The following SYT9 variants were observed in gnomAD, a reference collection of about 807,000 sequenced individuals.
SYT9 encodes synaptotagmin 9.
Under a neutral mutation model 48.4 loss-of-function variants are expected in SYT9, and 22 were observed. That is an observed-to-expected ratio of 0.45 (90% CI 0.32 to 0.65). The LOEUF is 0.65. Ranked by LOEUF, SYT9 falls within the 30% of genes least tolerant of loss-of-function variation. The probability of loss-of-function intolerance (pLI) is 0.03; values close to 1 mark genes in which losing one functional copy is unlikely to be tolerated. For missense variants in SYT9, 577 were observed against 622.0 expected (o/e 0.93, Z 0.77); for synonymous variants, 265 against 245.0 (o/e 1.08, Z -0.76).
intron 1 of SYT9, among the ~76,000 whole-genome samples, chr11:7,300,636 GAGA>G (rs764131340): frequency 5.9e-5 from 9 of 152,252 alleles, no homozygotes; most frequent in Non-Finnish European, 4.4e-5. Flanking sequence ...ACAGAATGTA[GAGA>G]AGAAGTTTTG....
intron 3 of SYT9, among the ~76,000 whole-genome samples, chr11:7,358,018 A>G (rs146943718): frequency 4.6e-5 from 7 of 152,276 alleles, no homozygotes; most frequent in African/African-American, 1.7e-4. Context: ...ATAAAAGCAG[A>G]AAAAACACTG....
intron 6 of SYT9, chr11:7,427,708 TGAA>T (rs985159396): frequency 6.6e-6 from 1 of 152,222 alleles, no homozygotes; most frequent in Non-Finnish European, 1.5e-5. Flanking sequence ...TTTGACAAAA[TGAA>T]GAAATTATTC....
chr11:7,412,853 G>T (rs1187226093), intron 3 of SYT9, among the ~76,000 whole-genome samples: 2 of 152,186 alleles, frequency 1.3e-5, no homozygotes, highest in Non-Finnish European at 2.9e-5. Context: ...AATTGTGGTG[G>T]TTATCAGGGG....
At chr11:7,362,949 C>CTTTTTTTTTT (rs35065184) in intron 3 of SYT9, among the ~76,000 whole-genome samples, 1 of 17,924 alleles carries the variant, frequency 5.6e-5, no homozygotes, top group Non-Finnish European at 1.1e-4. Flanking sequence ...ATTTATTGGC[C>CTTTTTTTTTT]TTTTTTTTTT....
chr11:7,279,129 A>T (rs2346808), intron 1 of SYT9, among the ~76,000 whole-genome samples: 12,332 of 152,204 alleles, frequency 0.081, 682 homozygotes, highest in East Asian at 0.23. Context: ...TCAACAGTGG[A>T]GGGTATGTGG....
intron 6 of SYT9, among the ~76,000 whole-genome samples, chr11:7,447,471 G>A (rs1489624468): frequency 1.3e-5 from 2 of 152,190 alleles, no homozygotes; most frequent in Non-Finnish European, 2.9e-5. Context: ...TGCTCATGCT[G>A]TTCTCTTTGT....
chr11:7,343,839 C>T (rs1849753676), intron 3 of SYT9, among the ~76,000 whole-genome samples: 1 of 152,162 alleles, frequency 6.6e-6, no homozygotes. Flanking sequence ...GGGGAGGCCT[C>T]ACAATCATGG....
At chr11:7,285,526 G>A (rs1233964812) in intron 1 of SYT9, among the ~76,000 whole-genome samples, 1 of 152,142 alleles carries the variant, frequency 6.6e-6, no homozygotes, top group African/African-American at 2.4e-5. Flanking sequence ...GGGACACAGA[G>A]CCAAACCATA....
chr11:7,403,865 A>AT (rs1243266096), intron 3 of SYT9, among the ~76,000 whole-genome samples: 16 of 152,180 alleles, frequency 1.1e-4, no homozygotes, highest in Non-Finnish European at 2.4e-4. Flanking sequence ...TTAGGTATTC[A>AT]AATCTCTGAC....
rs1590039005 is a variant in SYT9, at chr11:7,449,310, G to A, written c.1468-17482G>A. 6.0e-5 allele frequency among the ~76,000 whole-genome samples: 7 copies of A among 115,772 alleles called. No individual in the cohort carries two copies. The East Asian group carries it at 1.1e-3, about 19-fold the overall frequency. The allele number at this position is 115,772 out of a possible 152,430, so 76.0% of individuals were successfully genotyped here. ...AGTGAGCCAGCCTGGGCAACAGAGT[G>A]AGACTCCACCTCAAAAAAAAAAAAA... On this transcript the variant is annotated intron_variant, in intron 6 of 6. Transcript: ENST00000318881.
At chr11:7,278,009 A>G (rs1848429106) in intron 1 of SYT9, among the ~76,000 whole-genome samples, 1 of 152,246 alleles carries the variant, frequency 6.6e-6, no homozygotes, top group South Asian at 2.1e-4. Context: ...TTACAGTTAT[A>G]GAGGCTGGAA....
Position 7,432,583 on chromosome 11 carries a change from ATATATATACATATATATATATAT to A in SYT9, c.1467+11949_1467+11971del, listed in dbSNP as rs1402714057. ...AAAAAAAAAAAAAAAAAAAAAAAAA[ATATATATACATATATATATATAT>A]ATATATATATATATATATATATATA... On this transcript the variant is annotated intron_variant, in intron 6 of 6. Coordinates refer to ENST00000318881, the MANE Select transcript of SYT9 (RefSeq NM_175733.4). Among the ~76,000 whole-genome samples the A allele has an allele frequency of 4.1e-3, 12 of 2,904 alleles. 1 individual carries two copies. Among genetic ancestry groups the A allele is most frequent in the Admixed American group, 0.022 (6 of 272 alleles). The allele number at this position is 2,904 out of a possible 152,430, so 1.9% of individuals were successfully genotyped here.
At chr11:7,300,439 C>T (rs898917566) in intron 1 of SYT9, among the ~76,000 whole-genome samples, 2 of 152,180 alleles carry the variant, frequency 1.3e-5, no homozygotes, top group Non-Finnish European at 2.9e-5. Flanking sequence ...TGCCCAAGAC[C>T]AACACTGGGG....
chr11:7,354,836 C>T (rs917056598), intron 3 of SYT9, among the ~76,000 whole-genome samples: 2 of 152,098 alleles, frequency 1.3e-5, no homozygotes, highest in Non-Finnish European at 2.9e-5. Context: ...CCTTCCCAAG[C>T]ACAGTGATAT....
At chr11:7,255,522 T>C (rs1589889145) in intron 1 of SYT9, among the ~76,000 whole-genome samples, 2 of 152,250 alleles carry the variant, frequency 1.3e-5, no homozygotes, top group African/African-American at 4.8e-5. Flanking sequence ...ATTTCAGAAA[T>C]CCAGACAGAG....
chr11:7,379,549 G>C (rs564867803), intron 3 of SYT9, among the ~76,000 whole-genome samples: 3 of 152,064 alleles, frequency 2.0e-5, no homozygotes, highest in Non-Finnish European at 4.4e-5. Flanking sequence ...TCTTCTCCTT[G>C]TTGGTCTTCG....
At chr11:7,283,999 C>T (rs1421701539) in intron 1 of SYT9, among the ~76,000 whole-genome samples, 2 of 152,158 alleles carry the variant, frequency 1.3e-5, no homozygotes, top group Non-Finnish European at 2.9e-5. Context: ...CTTCACTTAT[C>T]TCCATCAATT....
At chr11:7,399,555 A>G (rs927766410) in intron 3 of SYT9, among the ~76,000 whole-genome samples, 1 of 152,272 alleles carries the variant, frequency 6.6e-6, no homozygotes, top group Admixed American at 6.5e-5. Flanking sequence ...GCTGACCATG[A>G]GGCAGCAGAG....
chr11:7,306,367 A>G (rs1379040584), intron 2 of SYT9, among the ~76,000 whole-genome samples: 1 of 152,184 alleles, frequency 6.6e-6, no homozygotes, highest in African/African-American at 2.4e-5. Context: ...AAAAATTTCA[A>G]TTACCACACC....
Sources: allele counts gnomAD v4.1 joint callset (sites outside exome capture counted in the v4.1 genomes callset), GRCh38; gene constraint gnomAD v4.1.1; transcripts MANE v1.5; gene names NCBI Gene and HGNC (gene_info 2026-07-23, HGNC 2026-07-21).